Variants in SPMIP2 observed in about 807,000 individuals in gnomAD.
SPMIP2 encodes protein SPMIP2.
At chr4:159,008,251 A>G in the SPMIP2 span, among the ~76,000 whole-genome samples, 3 of 152,234 alleles carry the variant, frequency 2.0e-5, no homozygotes. Flanking sequence ...GGAGGATAAC[A>G]TATCTACATC....
At chr4:158,910,045 AAAAC>A in the SPMIP2 span, among the ~76,000 whole-genome samples, 2 of 151,946 alleles carry the variant, frequency 1.3e-5, no homozygotes, top group African/African-American at 4.8e-5. Context: ...ATCTCAAAAA[AAAAC>A]AAAAAAAAAT....
the SPMIP2 span, among the ~76,000 whole-genome samples, chr4:158,959,556 A>AT: frequency 0.021 from 3,215 of 152,252 alleles, 119 homozygotes; most frequent in African/African-American, 0.073. Context: ...AAATCCAGTG[A>AT]TTTTGCATAT....
chr4:158,909,534 C>A, the SPMIP2 span: 1 of 151,410 alleles, frequency 6.6e-6, no homozygotes, highest in South Asian at 2.1e-4. Flanking sequence ...CTGTATGTTA[C>A]CTCATTTAAT....
At chr4:159,045,267 A>T in the SPMIP2 span, among the ~76,000 whole-genome samples, 1 of 152,222 alleles carries the variant, frequency 6.6e-6, no homozygotes, top group Admixed American at 6.5e-5. Context: ...TAATTACTAT[A>T]AAAAGTTTAA....
the SPMIP2 span, among the ~76,000 whole-genome samples, chr4:158,934,992 A>C: frequency 6.6e-6 from 1 of 152,204 alleles, no homozygotes; most frequent in Admixed American, 6.5e-5. Context: ...GGATTTGATT[A>C]TATCACTTCC....
chr4:158,946,429 G>A, the SPMIP2 span, among the ~76,000 whole-genome samples: 1 of 152,162 alleles, frequency 6.6e-6, no homozygotes, highest in Non-Finnish European at 1.5e-5. Context: ...GGGACCCGGT[G>A]GGAGGTGATT....
At chr4:159,067,034 T>C in the SPMIP2 span, among the ~76,000 whole-genome samples, 1 of 152,176 alleles carries the variant, frequency 6.6e-6, no homozygotes, top group Non-Finnish European at 1.5e-5. Flanking sequence ...AAAATTGGTC[T>C]TTCACATATT....
At chr4:159,027,257 T>C in the SPMIP2 span, among the ~76,000 whole-genome samples, 1 of 152,210 alleles carries the variant, frequency 6.6e-6, no homozygotes, top group African/African-American at 2.4e-5. Context: ...CAACTGGATA[T>C]AATTAAGCTA....
chr4:159,055,526 G>A, the SPMIP2 span, among the ~76,000 whole-genome samples: 6 of 151,962 alleles, frequency 3.9e-5, no homozygotes, highest in African/African-American at 1.5e-4. Flanking sequence ...TGGGCAACCG[G>A]GCAAAACCGC....
At chr4:158,913,127 C>T in the SPMIP2 span, among the ~76,000 whole-genome samples, 33 of 152,338 alleles carry the variant, frequency 2.2e-4, no homozygotes, top group Admixed American at 8.5e-4. Context: ...ACTAAAGAGA[C>T]GTGATAACTC....
At chr4:159,033,695 G>A in the SPMIP2 span, among the ~76,000 whole-genome samples, 1 of 152,210 alleles carries the variant, frequency 6.6e-6, no homozygotes, top group Non-Finnish European at 1.5e-5. Flanking sequence ...AGAGGTAAGA[G>A]TGAGGAAAGA....
At chr4:158,993,416 G>A in the SPMIP2 span, among the ~76,000 whole-genome samples, 1 of 151,812 alleles carries the variant, frequency 6.6e-6, no homozygotes, top group South Asian at 2.1e-4. Flanking sequence ...TACAATGTGT[G>A]TTAATAGAGA....
chr4:158,993,590 C>A, the SPMIP2 span, among the ~76,000 whole-genome samples: 2 of 151,884 alleles, frequency 1.3e-5, no homozygotes, highest in Non-Finnish European at 2.9e-5. Flanking sequence ...TTATTCAACA[C>A]GTACTTATGA....
the SPMIP2 span, among the ~76,000 whole-genome samples, chr4:158,929,422 A>G: frequency 2.6e-5 from 4 of 152,208 alleles, no homozygotes; most frequent in Admixed American, 6.5e-5. Context: ...TTTGTTTTCT[A>G]TAAGTCTTAA....
chr4:158,979,378 A>G, the SPMIP2 span, among the ~76,000 whole-genome samples: 1 of 152,130 alleles, frequency 6.6e-6, no homozygotes, highest in African/African-American at 2.4e-5. Context: ...TCTCATGGGC[A>G]TTCCAGGCAC....
the SPMIP2 span, among the ~76,000 whole-genome samples, chr4:159,030,439 T>C: frequency 6.6e-6 from 1 of 151,796 alleles, no homozygotes; most frequent in African/African-American, 2.4e-5. Flanking sequence ...AGTAGTGTTA[T>C]GCCTATGCCA....
At chr4:159,008,699 G>T in the SPMIP2 span, among the ~76,000 whole-genome samples, 1 of 152,206 alleles carries the variant, frequency 6.6e-6, no homozygotes, top group Non-Finnish European at 1.5e-5. Context: ...TCATTTTCAT[G>T]TTATAATTTT....
At chr4:158,909,648 C>T in the SPMIP2 span, among the ~76,000 whole-genome samples, 6 of 150,644 alleles carry the variant, frequency 4.0e-5, no homozygotes, top group East Asian at 3.9e-4. Context: ...GATCATAGCT[C>T]GCAGTAACCT....
the SPMIP2 span, among the ~76,000 whole-genome samples, chr4:158,926,535 G>A: frequency 2.1e-4 from 32 of 151,912 alleles, no homozygotes; most frequent in Non-Finnish European, 3.5e-4. Context: ...TCATAGTTCC[G>A]TGATTTCATG....
Sources: gnomAD v4.1 joint callset for allele counts (sites outside exome capture counted in the v4.1 genomes callset) on GRCh38, gnomAD v4.1.1 for gene constraint, MANE v1.5 for transcripts, NCBI Gene and HGNC (gene_info 2026-07-23, HGNC 2026-07-21) for gene names.